Variants in EPHB3 observed in about 807,000 individuals in gnomAD.
The protein encoded by EPHB3 is EPH receptor B3, also known as ephrin type-B receptor 3.
EPHB3 carries 33 observed loss-of-function variants against 100.2 expected under a neutral mutation model. The observed-to-expected ratio is 0.33, with a 90% CI of 0.25 to 0.44. The LOEUF is 0.44. EPHB3 is among the 20% of genes least tolerant of loss of function. The pLI, the probability that EPHB3 is intolerant of heterozygous loss-of-function variation, is 1.00. For synonymous variants in EPHB3, 526 were observed against 554.7 expected, an observed-to-expected ratio of 0.95 and a Z score of 0.73; for missense variants, 1,045 against 1,378.3, an observed-to-expected ratio of 0.76 and a Z score of 3.83.
rs1189024200 is a variant in EPHB3 at position 184,577,935 on chromosome 3, C to G, written c.1677C>G (p.Leu559=). 1.9e-6 allele frequency: 3 copies of G among 1,614,056 alleles called. No homozygotes were observed. Among genetic ancestry groups the G allele is most frequent in the Non-Finnish European group, 2.5e-6 (3 of 1,179,970 alleles). ...AGCAGCTCCAGGAGCAGCTTCCCCT[C>G]ATCGTGGGCTCCGCTACAGCTGGGC... The part of the protein sequence containing the change: ...GAQQLQEQLP[L]IVGSATAGLV... Residue 559 remains leucine, a synonymous_variant, in exon 8 of 16, where the codon CTC becomes CTG. Transcript: ENST00000330394. The surrounding 1 kb of genome is among the most constrained non-coding windows in gnomAD (Gnocchi z 4.9).
chr3:184,573,334 G>A lies in EPHB3; in HGVS notation c.856+158G>A, dbSNP rs768833355. 1.3e-5 allele frequency among the ~76,000 whole-genome samples: 2 copies of A among 152,076 alleles called. No homozygotes were observed. Among genetic ancestry groups the A allele is most frequent in the East Asian group, 3.9e-4 (2 of 5,174 alleles). On this transcript the variant is annotated intron_variant, in intron 3 of 15. Coordinates refer to ENST00000330394, the MANE Select transcript of EPHB3 (RefSeq NM_004443.4). The surrounding 1 kb of genome is among the most constrained non-coding windows in gnomAD (Gnocchi z 4.5). The stretch of plus-strand genomic sequence containing the variant: ...GGGAAGAGTGGGGATCAGATGCAGA[G>A]AATGTTGTGTAAGGAGGGAGAAGAG...
chr3:184,580,021 T>C (rs1231394365), intron 11 of EPHB3, 87 bp downstream of exon 11: 2 of 1,542,828 alleles, frequency 1.3e-6, no homozygotes, highest in Non-Finnish European at 1.7e-6. Flanking sequence ...CAGCCCCTAT[T>C]CAAGTCCATA....
intron 3 of EPHB3, among the ~76,000 whole-genome samples, chr3:184,574,638 CA>C (rs1714628640): frequency 6.6e-6 from 1 of 152,164 alleles, no homozygotes; most frequent in Non-Finnish European, 1.5e-5. Context: ...GCTGCGAGGC[CA>C]TGTTGTCATG....
chr3:184,577,785 G>T lies in EPHB3; in HGVS notation c.1607G>T (p.Arg536Leu), dbSNP rs200203653. The T allele has an allele frequency of 6.2e-7, 1 of 1,607,412 alleles. No individual in the cohort carries two copies. The highest frequency in any genetic ancestry group is 2.2e-5 in the East Asian group (1 of 44,704). Residue 536 changes from arginine (R) to leucine (L), a missense_variant, in exon 7 of 16, where the codon CGC becomes CTC. Arg to Leu is a moderately radical substitution (Grantham distance 102). Around this residue, in one of 2 missense-constraint regions of EPHB3, gnomAD observed 985 missense variants for 1,331.1 expected, o/e 0.74. Coordinates refer to ENST00000330394, the MANE Select transcript of EPHB3 (RefSeq NM_004443.4). This position sits in a 1 kb window ranked among gnomAD's most constrained non-coding sequence, Gnocchi z 4.9. ...RTVAGYGQYS[R>L]PAEFETTSER... ...GTAGCTGGCTATGGGCAGTACAGCC[G>T]CCCTGCCGAGTTTGAGACCACAAGT...
At chr3:184,574,592 C>T (rs1409080879) in intron 3 of EPHB3, among the ~76,000 whole-genome samples, 2 of 152,212 alleles carry the variant, frequency 1.3e-5, no homozygotes, top group Non-Finnish European at 2.9e-5. Context: ...CTTATGGCAG[C>T]CCTAGGCGTG....
At position 184,571,216 on chromosome 3, in the gene EPHB3, A is replaced by C. The variant is rs1006732916; in HGVS notation, c.119-102A>C. The C allele has an allele frequency of 1.7e-6, 2 of 1,173,114 alleles. No homozygotes were observed. Among genetic ancestry groups the C allele is most frequent in the Admixed American group, 1.8e-5 (1 of 56,510 alleles). 72.7% of individuals were successfully genotyped at this position (1,173,114 alleles called of 1,614,324 possible). A position where few individuals can be genotyped will look rare whatever the true frequency, so the allele number is the denominator to read the frequency against. ...TGATCCACCTGCCTCAGACTCCCAA[A>C]GTGCTGGGATTACAGGTGTGAGCCA... On this transcript the variant is annotated intron_variant, in intron 1 of 15. Transcript: ENST00000330394. The surrounding 1 kb of genome is among the most constrained non-coding windows in gnomAD (Gnocchi z 5.0).
chr3:184,569,122 G>A lies in EPHB3; in HGVS notation c.119-2196G>A, dbSNP rs1560055217. 6.6e-6 allele frequency among the ~76,000 whole-genome samples: 1 copy of A among 152,212 alleles called. No homozygotes were observed. The highest frequency in any genetic ancestry group is 1.5e-5 in the Non-Finnish European group (1 of 68,042). ...GGGTTTGGCACAGGCTGAGCAGAAG[G>A]AAGTGAGGGAGAGGGAGGAGGGAGG... On this transcript the variant is annotated intron_variant, in intron 1 of 15. Transcript: ENST00000330394. This position sits in a 1 kb window ranked among gnomAD's most constrained non-coding sequence, Gnocchi z 5.4.
Position 184,573,208 on chromosome 3 carries a change from T to C in EPHB3, c.856+32T>C. The stretch of plus-strand genomic sequence containing the variant: ...GGGGACTGTCCTGGGGAAAGGGTTG[T>C]CGGGAGGGCCTGGGCCACAGCTACC... On this transcript the variant is annotated intron_variant, in intron 3 of 15. Coordinates refer to ENST00000330394, the MANE Select transcript of EPHB3 (RefSeq NM_004443.4). This position sits in a 1 kb window ranked among gnomAD's most constrained non-coding sequence, Gnocchi z 4.5. The C allele has an allele frequency of 1.2e-6, 2 of 1,605,514 alleles. No individual in the cohort carries two copies. The highest frequency in any genetic ancestry group is 1.3e-5 in the African/African-American group (1 of 75,036).
rs777836963 is a variant in EPHB3 at position 184,577,984 on chromosome 3, G to A, written c.1726G>A (p.Val576Ile). The A allele has an allele frequency of 6.2e-7, 1 of 1,613,826 alleles. No homozygotes were observed. The highest frequency in any genetic ancestry group is 8.5e-7 in the Non-Finnish European group (1 of 1,179,962). Residue 576 changes from valine (V) to isoleucine (I), a missense_variant, in exon 8 of 16, where the codon GTC becomes ATC. This residue lies in a region of EPHB3 where 985 missense variants were observed against 1,331.1 expected (regional missense o/e 0.74). Transcript: ENST00000330394. The surrounding 1 kb of genome is among the most constrained non-coding windows in gnomAD (Gnocchi z 4.9). ...AGLVFVVAVV[V>I]IAIVCLRKQR... ...GCTTGTCTTCGTGGTGGCTGTCGTG[G>A]TCATCGCTATCGTCTGCCTCAGGTA... is the stretch of plus-strand genomic sequence containing the variant.
chr3:184,575,655 A>G (rs1248317402), intron 3 of EPHB3, among the ~76,000 whole-genome samples, 175 bp from the exon 4 acceptor site: 1 of 152,074 alleles, frequency 6.6e-6, no homozygotes, highest in East Asian at 1.9e-4. Flanking sequence ...CCATGGGGCA[A>G]TAGGGCCTTT....
rs890270833 is a variant in EPHB3, at chr3:184,581,525, G to A, written c.2900G>A (p.Arg967His). The change falls in exon 16 of 16, where the codon CGT (arginine) becomes CAT (histidine). Residue 967 changes from arginine (R) to histidine (H), a missense_variant. Arg to His is a conservative substitution (Grantham distance 29, BLOSUM62 0). Transcript: ENST00000330394. ...VAQMTAEDLLRIGVTLAGHQK... is the reference protein window; with the variant it reads ...VAQMTAEDLLHIGVTLAGHQK... Reference sequence around the variant, plus strand: ...GGCTCCACCTGCAGAGACCTGCTCCGTATTGGGGTCACCCTGGCCGGCCAC... The same window carrying A: ...GGCTCCACCTGCAGAGACCTGCTCCATATTGGGGTCACCCTGGCCGGCCAC... 7 of 1,613,498 alleles carry A rather than the reference G, an allele frequency of 4.3e-6. No homozygotes were observed. The highest frequency in any genetic ancestry group is 2.7e-5 in the African/African-American group (2 of 74,924).
chr3:184,578,531 T>C lies in EPHB3; in HGVS notation c.1801+65T>C. On this transcript the variant is annotated intron_variant, in intron 9 of 15. Coordinates refer to ENST00000330394, the MANE Select transcript of EPHB3 (RefSeq NM_004443.4). This position sits in a 1 kb window ranked among gnomAD's most constrained non-coding sequence, Gnocchi z 4.7. ...CCCCTGCAGGGCTCTCAGACACCCT[T>C]CTCCCTGCCTGGGACTTCATTCCTT... The C allele has an allele frequency of 1.2e-6, 2 of 1,601,086 alleles. No individual in the cohort carries two copies. Among genetic ancestry groups the C allele is most frequent in the East Asian group, 2.2e-5 (1 of 44,660 alleles).
In EPHB3 at chr3:184,562,428, C is replaced by T. The variant is rs1360507667; in HGVS notation, c.118+75C>T. On this transcript the variant is annotated intron_variant, in intron 1 of 15. Coordinates refer to ENST00000330394, the MANE Select transcript of EPHB3 (RefSeq NM_004443.4). This position sits in a 1 kb window ranked among gnomAD's most constrained non-coding sequence, Gnocchi z 4.8. ...GGGCTGCGGGCTAGCAGCGTGGGTC[C>T]GACCCGGATTGAGCGCACGTCGGAG... 15 of 1,147,302 alleles carry T rather than the reference C, an allele frequency of 1.3e-5. No homozygotes were observed. Among genetic ancestry groups the T allele is most frequent in the Non-Finnish European group, 1.6e-5 (15 of 933,156 alleles). The allele number at this position is 1,147,302 out of a possible 1,614,324, so 71.1% of individuals were successfully genotyped here. A position where few individuals can be genotyped will look rare whatever the true frequency, so the allele number is the denominator to read the frequency against.
intron 11 of EPHB3, 143 bp from the exon 12 acceptor site, chr3:184,580,259 C>T (rs1714786410): frequency 3.0e-6 from 3 of 1,016,430 alleles, no homozygotes; most frequent in East Asian, 5.0e-5. Flanking sequence ...CATAGTAGGG[C>T]AGCTCACTTA....
At chr3:184,576,300 G>C (rs1008729674) in intron 4 of EPHB3, among the ~76,000 whole-genome samples, 4 of 152,210 alleles carry the variant, frequency 2.6e-5, no homozygotes, top group Admixed American at 6.5e-5. Flanking sequence ...TAGGAGCTTA[G>C]CAGTTGGCCT....
In EPHB3 at chr3:184,572,661, G is replaced by A; in HGVS notation, c.341G>A (p.Arg114His). The A allele has an allele frequency of 1.3e-6, 2 of 1,588,284 alleles. No individual in the cohort carries two copies. Among genetic ancestry groups the A allele is most frequent in the Non-Finnish European group, 8.6e-7 (1 of 1,169,016 alleles). The change falls in exon 3 of 16, where the codon CGT (arginine) becomes CAT (histidine). Residue 114 changes from arginine to histidine, a missense_variant. Coordinates refer to ENST00000330394, the MANE Select transcript of EPHB3 (RefSeq NM_004443.4). The surrounding 1 kb of genome is among the most constrained non-coding windows in gnomAD (Gnocchi z 6.6). ...TACGTGGAGCTCAAGTTCACTGTGCGTGACTGCAACAGCATCCCCAACATC... is the reference window on the plus strand; with the variant it reads ...TACGTGGAGCTCAAGTTCACTGTGCATGACTGCAACAGCATCCCCAACATC... ...RVYVELKFTV[R>H]DCNSIPNIPG... is the part of the protein sequence containing the mutation.
chr3:184,578,408 C>G lies in EPHB3; in HGVS notation c.1749-6C>G. On this transcript the variant is annotated splice_polypyrimidine_tract_variant and splice_region_variant and intron_variant, in intron 8 of 15. Coordinates refer to ENST00000330394, the MANE Select transcript of EPHB3 (RefSeq NM_004443.4). This position sits in a 1 kb window ranked among gnomAD's most constrained non-coding sequence, Gnocchi z 4.7. ...CAGGCCTGCCCTCCACCCTGCCACC[C>G]TACAGGAAGCAGCGACACGGCTCTG... The G allele has an allele frequency of 6.2e-7, 1 of 1,613,974 alleles. No individual in the cohort carries two copies. Among genetic ancestry groups the G allele is most frequent in the Non-Finnish European group, 8.5e-7 (1 of 1,179,986 alleles).
Position 184,581,716 on chromosome 3 carries a change from G to T in EPHB3, c.*94G>T. The T allele has an allele frequency of 8.0e-7, 1 of 1,256,424 alleles. No individual in the cohort carries two copies. The highest frequency in any genetic ancestry group is 1.1e-6 in the Non-Finnish European group (1 of 923,790). The allele number at this position is 1,256,424 out of a possible 1,614,324, so 77.8% of individuals were successfully genotyped here. ...TTGGACTTTTGGATGCCTGGCCTTA[G>T]GCTGTGGCCCAGAAGCTGGAAGTTT... On this transcript the variant is annotated 3_prime_UTR_variant, in exon 16 of 16. Transcript: ENST00000330394.
Position 184,564,684 on chromosome 3 carries a change from G to A in EPHB3, c.118+2331G>A, listed in dbSNP as rs532736431. 7.9e-5 allele frequency among the ~76,000 whole-genome samples: 12 copies of A among 152,310 alleles called. No individual in the cohort carries two copies. The South Asian group carries it at 2.1e-3, about 26-fold the overall frequency. On this transcript the variant is annotated intron_variant, in intron 1 of 15. Coordinates refer to ENST00000330394, the MANE Select transcript of EPHB3 (RefSeq NM_004443.4). ...GTTGGTGCAGGGGGCTGGGGGTGGG[G>A]CTGTCTGCCCCACATCTCCCTGCAG...
Sources: allele counts gnomAD v4.1 joint callset (sites outside exome capture counted in the v4.1 genomes callset), GRCh38; gene constraint gnomAD v4.1.1; regional missense constraint gnomAD v4.1.1; non-coding constraint Gnocchi (gnomAD v3.1); transcripts MANE v1.5; gene names NCBI Gene and HGNC (gene_info 2026-07-23, HGNC 2026-07-21).